Variants in ADPRHL1 observed in about 807,000 individuals in gnomAD.
ADPRHL1 encodes ADP-ribosylhydrolase like 1, also known as inactive ADP-ribosyltransferase ARH2.
A neutral mutation model predicts 44.1 loss-of-function variants in ADPRHL1; 43 were observed. The ratio of observed to expected loss-of-function variants is 0.98; its 90% CI spans 0.76 to 1.26. The LOEUF (loss-of-function observed/expected upper bound fraction) is 1.26, where lower values mean the gene tolerates loss of function less well. ADPRHL1 is among the 50% of genes most tolerant of loss of function. ADPRHL1 has a pLI of 0.00. For missense variants in ADPRHL1, 2,022 were observed against 2,496.9 expected (o/e 0.81, Z 4.05); for synonymous variants, 878 against 1,017.4 (o/e 0.86, Z 2.61).
chr13:113,404,734 G>T lies in ADPRHL1; in HGVS notation c.4548C>A (p.Ala1516=). ...EQAQWQTQIE[A]QGQAQEQAQG... ...GAGCCTGTTCCTGTGCCTGCCCCTG[G>T]GCCTCTATCTGGGTCTGCCACTGGG... Residue 1516 remains alanine, a synonymous_variant, in exon 8 of 8, where the codon GCC becomes GCA. Transcript: ENST00000612156. 7.8e-7 allele frequency: 1 copy of T among 1,276,382 alleles called. No individual in the cohort carries two copies. The highest frequency in any genetic ancestry group is 3.0e-5 in the South Asian group (1 of 33,394). 79.1% of individuals were successfully genotyped at this position (1,276,382 alleles called of 1,614,324 possible).
intron 7 of ADPRHL1, among the ~76,000 whole-genome samples, chr13:113,414,483 C>T (rs961855411): frequency 1.3e-5 from 2 of 149,178 alleles, no homozygotes; most frequent in East Asian, 2.0e-4. Context: ...CTCCCCTCTA[C>T]AGCTCAGTCC....
At chr13:113,449,102 T>C (rs2044161825) in intron 1 of ADPRHL1, 3 of 994,642 alleles carry the variant, frequency 3.0e-6, no homozygotes, top group East Asian at 1.1e-4. Context: ...TGTAGAGCGC[T>C]AGACACGGCT....
chr13:113,420,116 C>A (rs1429351466), intron 7 of ADPRHL1, among the ~76,000 whole-genome samples: 1 of 152,178 alleles, frequency 6.6e-6, no homozygotes, highest in Admixed American at 6.6e-5. Flanking sequence ...CGAAGCTGTG[C>A]ACACGTCATT....
chr13:113,425,350 C>G (rs1234511669), intron 4 of ADPRHL1, among the ~76,000 whole-genome samples, 171 bp from the exon 5 acceptor site: 2 of 152,126 alleles, frequency 1.3e-5, no homozygotes, highest in African/African-American at 4.8e-5. Flanking sequence ...CTGGAGTAAA[C>G]AACTGAGAGA....
At chr13:113,427,427 C>G (rs1470660665) in intron 4 of ADPRHL1, among the ~76,000 whole-genome samples, 2 of 152,244 alleles carry the variant, frequency 1.3e-5, no homozygotes, top group Non-Finnish European at 2.9e-5. Flanking sequence ...TTAGCCATCT[C>G]CATGTTAGTC....
chr13:113,430,033 G>A (rs970164527), intron 3 of ADPRHL1, among the ~76,000 whole-genome samples: 8 of 152,210 alleles, frequency 5.3e-5, no homozygotes, highest in African/African-American at 1.7e-4. Flanking sequence ...TGGAGCCAGC[G>A]GCTTCTGGGG....
chr13:113,420,640 C>G (rs376589072), intron 7 of ADPRHL1, among the ~76,000 whole-genome samples: 1 of 152,042 alleles, frequency 6.6e-6, no homozygotes, highest in Non-Finnish European at 1.5e-5. Context: ...CCTTCGCCCC[C>G]GTGTGCCTGT....
chr13:113,448,881 T>C, intron 1 of ADPRHL1: 1 of 931,466 alleles, frequency 1.1e-6, no homozygotes, highest in Non-Finnish European at 1.3e-6. Context: ...GGAAGCCACT[T>C]CCCCAGTTTT....
Position 113,449,794 on chromosome 13 carries a change from C to A in ADPRHL1, c.214+3430G>T, listed in dbSNP as rs575167299. 8.5e-5 allele frequency among the ~76,000 whole-genome samples: 13 copies of A among 152,298 alleles called. No individual in the cohort carries two copies. In the South Asian group the frequency reaches 2.3e-3, roughly 27 times the overall value. ...GTCTTTGGAAAGCATGCTGAAGAGCCCCTGCACACTGCAATTGTTAGGATA... is the reference window on the plus strand; with the variant it reads ...GTCTTTGGAAAGCATGCTGAAGAGCACCTGCACACTGCAATTGTTAGGATA... On this transcript the variant is annotated intron_variant, in intron 1 of 7. Coordinates refer to ENST00000612156, the MANE Select transcript of ADPRHL1 (RefSeq NM_001394807.1).
rs1379591517 is a variant in ADPRHL1 at position 113,400,220 on chromosome 13, A to G, written c.*3158T>C. The stretch of plus-strand genomic sequence containing the variant: ...GAGTGCAGTGGCGCAATCTCGGCTC[A>G]CTGCAAGCTCCACCTCCCGGGTTCA... On this transcript the variant is annotated 3_prime_UTR_variant, in exon 8 of 8. Transcript: ENST00000612156. The G allele has an allele frequency of 7.2e-6, 1 of 138,796 alleles. No homozygotes were observed. Among genetic ancestry groups the G allele is most frequent in the African/African-American group, 2.7e-5 (1 of 36,720 alleles). 8.6% of individuals were successfully genotyped at this position (138,796 alleles called of 1,614,324 possible).
chr13:113,442,797 T>A (rs760687033), intron 2 of ADPRHL1, among the ~76,000 whole-genome samples: 2 of 152,220 alleles, frequency 1.3e-5, no homozygotes, highest in Non-Finnish European at 2.9e-5. Context: ...GCTTTTGTTC[T>A]CCTCTGTGCT....
rs1566473302 is a variant in ADPRHL1 at position 113,425,196 on chromosome 13, AG to A, written c.647-18del. On this transcript the variant is annotated intron_variant, in intron 4 of 7. Coordinates refer to ENST00000612156, the MANE Select transcript of ADPRHL1 (RefSeq NM_001394807.1). Reference sequence around the variant, plus strand: ...CCTGGTATTCTAAACATAAAGAACAAGGGGAGCTGAACACAATGGCATCCAT... The same window carrying A: ...CCTGGTATTCTAAACATAAAGAACAAGGGAGCTGAACACAATGGCATCCAT... 7.7e-7 allele frequency: 1 copy of A among 1,296,618 alleles called. No homozygotes were observed. The highest frequency in any genetic ancestry group is 1.3e-5 in the South Asian group (1 of 79,302). The allele number at this position is 1,296,618 out of a possible 1,614,324, so 80.3% of individuals were successfully genotyped here. A position where few individuals can be genotyped will look rare whatever the true frequency, so the allele number is the denominator to read the frequency against.
Position 113,409,378 on chromosome 13 carries a change from G to GATC in ADPRHL1, c.1062-1161_1062-1159dup. The GATC allele has an allele frequency of 1.0e-6, 1 of 985,376 alleles. No individual in the cohort carries two copies. The highest frequency in any genetic ancestry group is 4.7e-5 in the South Asian group (1 of 21,280). 61.0% of individuals were successfully genotyped at this position (985,376 alleles called of 1,614,324 possible). ...ACCTGTTAGTCATTCATTCTAAGGA[G>GATC]ATCATCAGGGATGAGGAACAAAGAC... On this transcript the variant is annotated intron_variant, in intron 7 of 7. Coordinates refer to ENST00000612156, the MANE Select transcript of ADPRHL1 (RefSeq NM_001394807.1). This position sits in a 1 kb window ranked among gnomAD's most constrained non-coding sequence, Gnocchi z 4.2.
intron 3 of ADPRHL1, among the ~76,000 whole-genome samples, chr13:113,431,761 G>A (rs1364228358): frequency 6.6e-6 from 1 of 152,092 alleles, no homozygotes; most frequent in Non-Finnish European, 1.5e-5. Context: ...TGTCGCCCAG[G>A]CTGGAGTGCA....
intron 1 of ADPRHL1, among the ~76,000 whole-genome samples, chr13:113,445,179 A>T (rs2044128154): frequency 6.6e-6 from 1 of 152,266 alleles, no homozygotes; most frequent in African/African-American, 2.4e-5. Flanking sequence ...AAGGAGCTGG[A>T]CACAGCAGAC....
chr13:113,451,003 C>T (rs1233551453), intron 1 of ADPRHL1, among the ~76,000 whole-genome samples: 6 of 152,040 alleles, frequency 3.9e-5, no homozygotes, highest in Non-Finnish European at 7.3e-5. Context: ...TCCTTGCCAC[C>T]TTTTGCTACT....
At position 113,403,293 on chromosome 13, in the gene ADPRHL1, C is replaced by T. The variant is rs148411189; in HGVS notation, c.*85G>A. 9 of 1,112,506 alleles carry T rather than the reference C, an allele frequency of 8.1e-6. No individual in the cohort carries two copies. The highest frequency in any genetic ancestry group is 3.2e-5 in the African/African-American group (2 of 62,054). 68.9% of individuals were successfully genotyped at this position (1,112,506 alleles called of 1,614,324 possible). On this transcript the variant is annotated 3_prime_UTR_variant, in exon 8 of 8. Coordinates refer to ENST00000612156, the MANE Select transcript of ADPRHL1 (RefSeq NM_001394807.1). ...CGTCTCTGTAGGGGATGCTCCAAGA[C>T]GCATTTGGAGGCAGGAAAATGCCTG... is the stretch of plus-strand genomic sequence containing the variant.
chr13:113,450,897 C>T (rs1039342011), intron 1 of ADPRHL1, among the ~76,000 whole-genome samples: 6 of 152,206 alleles, frequency 3.9e-5, no homozygotes, highest in South Asian at 4.2e-4. Context: ...TCATGTCAGG[C>T]CCTCCACAAG....
In ADPRHL1 at chr13:113,405,541, A is replaced by T; in HGVS notation, c.3741T>A (p.Asp1247Glu). ...RHTAAVGGRK[D>E]VAVEGNLLGF... ...CCAAAAGGTTTCCTTCCACAGCCAC[A>T]TCCTTTCTGCCTCCTACAGCTGCTG... The change falls in exon 8 of 8, where the codon GAT becomes GAA. Residue 1247 changes from aspartate to glutamate, a missense_variant. Asp to Glu is a conservative substitution (Grantham distance 45). This residue lies in a region of ADPRHL1 where 1,221 missense variants were observed against 1,517.8 expected (regional missense o/e 0.80). Transcript: ENST00000612156. 1 of 1,232,208 alleles carries T rather than the reference A, an allele frequency of 8.1e-7. No individual in the cohort carries two copies. The highest frequency in any genetic ancestry group is 1.0e-6 in the Non-Finnish European group (1 of 988,340). The allele number at this position is 1,232,208 out of a possible 1,614,324, so 76.3% of individuals were successfully genotyped here. A position where few individuals can be genotyped will look rare whatever the true frequency, so the allele number is the denominator to read the frequency against.
Sources: allele counts gnomAD v4.1 joint callset (sites outside exome capture counted in the v4.1 genomes callset), GRCh38; gene constraint gnomAD v4.1.1; regional missense constraint gnomAD v4.1.1; non-coding constraint Gnocchi (gnomAD v3.1); transcripts MANE v1.5; gene names NCBI Gene and HGNC (gene_info 2026-07-23, HGNC 2026-07-21).